Variants in KCNIP4 observed in about 807,000 individuals in gnomAD.
KCNIP4 encodes Kv channel-interacting protein 4.
KCNIP4 carries 12 observed loss-of-function variants against 34.0 expected under a neutral mutation model. That is an observed-to-expected ratio of 0.35 (90% CI 0.23 to 0.57). The LOEUF is 0.57. Among genes scored for constraint, KCNIP4 ranks in the 20% least tolerant of loss-of-function variants. The pLI, the probability that KCNIP4 is intolerant of heterozygous loss-of-function variation, is 0.83. For synonymous variants in KCNIP4, 124 were observed against 102.2 expected (o/e 1.21, Z -1.29); for missense variants, 238 against 311.7 (o/e 0.76, Z 1.78).
chr4:21,113,194 GGC>G (rs1749374622), intron 1 of KCNIP4, among the ~76,000 whole-genome samples: 1 of 152,162 alleles, frequency 6.6e-6, no homozygotes, highest in African/African-American at 2.4e-5. Context: ...CTTTGCAGAA[GGC>G]AATGGAACAA....
At chr4:20,868,405 C>A (rs1723086370) in intron 2 of KCNIP4, among the ~76,000 whole-genome samples, 1 of 152,032 alleles carries the variant, frequency 6.6e-6, no homozygotes, top group Non-Finnish European at 1.5e-5. Context: ...GTAAATTAGT[C>A]CAGCCACTGT....
At chr4:21,584,946 T>G (rs931293620) in intron 1 of KCNIP4, among the ~76,000 whole-genome samples, 3 of 151,318 alleles carry the variant, frequency 2.0e-5, no homozygotes, top group African/African-American at 7.3e-5. Context: ...GAGTTTTATT[T>G]TATTTCATTT....
intron 1 of KCNIP4, among the ~76,000 whole-genome samples, chr4:21,126,633 G>A (rs5000876): frequency 0.57 from 66,858 of 116,482 alleles, 17,331 homozygotes; most frequent in African/African-American, 0.68. Flanking sequence ...AAAAAAAAAA[G>A]AAAAGAAAAA....
chr4:21,003,318 A>G (rs1171845437), intron 1 of KCNIP4, among the ~76,000 whole-genome samples: 1 of 152,192 alleles, frequency 6.6e-6, no homozygotes, highest in Non-Finnish European at 1.5e-5. Flanking sequence ...AAACAAAACA[A>G]CACAATCCAT....
rs78192842 is a variant in KCNIP4, at chr4:20,996,445, T to G, written c.62-113736A>C. Among the ~76,000 whole-genome samples, 380 of 152,356 alleles carry G rather than the reference T, an allele frequency of 2.5e-3. 2 individuals are homozygous for G. The highest frequency in any genetic ancestry group is 3.9e-3 in the Non-Finnish European group (266 of 68,038). On this transcript the variant is annotated intron_variant, in intron 1 of 8. Coordinates refer to ENST00000382152, the MANE Select transcript of KCNIP4 (RefSeq NM_025221.6). ...TGTAATCCTGTCCCACACCTCCTCA[T>G]CACAGTTCTCTGCCCACATAGTCTT...
intron 1 of KCNIP4, among the ~76,000 whole-genome samples, chr4:21,658,511 G>C (rs1235722734): frequency 1.3e-5 from 2 of 152,042 alleles, no homozygotes; most frequent in Non-Finnish European, 2.9e-5. Flanking sequence ...CACCTCCTGG[G>C]TTCAAGTGAT....
chr4:21,569,614 G>A (rs373456404), intron 1 of KCNIP4, among the ~76,000 whole-genome samples: 2 of 152,078 alleles, frequency 1.3e-5, no homozygotes, highest in Non-Finnish European at 2.9e-5. Flanking sequence ...AAAGGAGGTG[G>A]CATTTGAGAA....
chr4:21,498,375 T>C (rs1242940556), intron 1 of KCNIP4, among the ~76,000 whole-genome samples: 1 of 152,232 alleles, frequency 6.6e-6, no homozygotes, highest in East Asian at 1.9e-4. Context: ...ACACTCTTTC[T>C]GCTAGTGTTG....
intron 1 of KCNIP4, among the ~76,000 whole-genome samples, chr4:21,418,339 G>A (rs1034267982): frequency 6.6e-6 from 1 of 151,990 alleles, no homozygotes; most frequent in African/African-American, 2.4e-5. Context: ...ATTAAAAAAG[G>A]AACCCCAGTT....
At chr4:21,469,507 A>G (rs10033114) in intron 1 of KCNIP4, among the ~76,000 whole-genome samples, 4,969 of 152,306 alleles carry the variant, frequency 0.033, 265 homozygotes, top group African/African-American at 0.11. Flanking sequence ...TCTTAAAAAC[A>G]TGATTACAAG....
intron 1 of KCNIP4, among the ~76,000 whole-genome samples, chr4:21,797,242 C>T (rs891649769): frequency 1.1e-4 from 16 of 152,152 alleles, no homozygotes; most frequent in African/African-American, 3.1e-4. Context: ...CACGCGTCTA[C>T]GCACAGGTGA....
At chr4:20,873,427 C>G (rs1723690509) in intron 2 of KCNIP4, among the ~76,000 whole-genome samples, 1 of 152,128 alleles carries the variant, frequency 6.6e-6, no homozygotes, top group Non-Finnish European at 1.5e-5. Context: ...AAGCAGTTTC[C>G]AACTAATTTT....
intron 1 of KCNIP4, among the ~76,000 whole-genome samples, chr4:21,070,344 GCA>G (rs1374530413): frequency 6.6e-6 from 1 of 152,056 alleles, no homozygotes; most frequent in Non-Finnish European, 1.5e-5. Context: ...TGGGATAAAT[GCA>G]CAGAGTACAG....
At chr4:21,057,302 CA>C (rs1743497019) in intron 1 of KCNIP4, among the ~76,000 whole-genome samples, 2 of 152,068 alleles carry the variant, frequency 1.3e-5, no homozygotes, top group Admixed American at 6.6e-5. Flanking sequence ...TTTTTCAATT[CA>C]AAAGAAACAC....
chr4:21,078,467 A>G (rs1342381277), intron 1 of KCNIP4, among the ~76,000 whole-genome samples: 14 of 151,278 alleles, frequency 9.3e-5, no homozygotes, highest in Admixed American at 7.9e-4. Context: ...TCATATTCTC[A>G]GAGAGAGAGA....
At chr4:21,252,931 T>A (rs1560218416) in intron 1 of KCNIP4, among the ~76,000 whole-genome samples, 1 of 152,078 alleles carries the variant, frequency 6.6e-6, no homozygotes. Flanking sequence ...AACTTTCCTA[T>A]CATCTATGAG....
intron 1 of KCNIP4, chr4:21,843,335 C>T (rs1437529266): frequency 6.6e-6 from 1 of 151,900 alleles, no homozygotes; most frequent in Non-Finnish European, 1.5e-5. Flanking sequence ...TTTTCATTTC[C>T]ATTTTGCAGA....
chr4:20,894,262 C>T (rs1322210464), intron 1 of KCNIP4, among the ~76,000 whole-genome samples: 3 of 152,150 alleles, frequency 2.0e-5, no homozygotes, highest in African/African-American at 7.2e-5. Flanking sequence ...AAGCAAGCGA[C>T]AGGTGAGTAA....
chr4:20,922,333 A>G (rs920616415), intron 1 of KCNIP4, among the ~76,000 whole-genome samples: 1 of 152,176 alleles, frequency 6.6e-6, no homozygotes, highest in Admixed American at 6.5e-5. Context: ...ATAGAACAAA[A>G]AGGTAGAGGA....
Sources: allele counts gnomAD v4.1 joint callset (sites outside exome capture counted in the v4.1 genomes callset), GRCh38; gene constraint gnomAD v4.1.1; transcripts MANE v1.5; gene names NCBI Gene and HGNC (gene_info 2026-07-23, HGNC 2026-07-21).